DACH1: variants seen among roughly 807,000 people sequenced by gnomAD.
The protein encoded by DACH1 is dachshund homolog 1.
In DACH1, 12 loss-of-function variants were observed where a neutral mutation model predicts 54.2. The observed-to-expected ratio is 0.22, with a 90% CI of 0.14 to 0.36. DACH1 has a LOEUF of 0.36. DACH1 is among the 10% of genes least tolerant of loss of function. DACH1 has a pLI of 1.00. For synonymous variants in DACH1, 386 were observed against 366.2 expected (o/e 1.05, Z -0.62); for missense variants, 805 against 929.8 (o/e 0.87, Z 1.75).
At chr13:71,637,437 T>C (rs1464754796) in intron 2 of DACH1, among the ~76,000 whole-genome samples, 1 of 152,128 alleles carries the variant, frequency 6.6e-6, no homozygotes, top group African/African-American at 2.4e-5. Flanking sequence ...CCTAACAGCA[T>C]AGGGTGAGAA....
chr13:71,709,700 T>C (rs1882619416), intron 1 of DACH1, among the ~76,000 whole-genome samples: 1 of 152,198 alleles, frequency 6.6e-6, no homozygotes, highest in African/African-American at 2.4e-5. Flanking sequence ...TAAGTTAAAT[T>C]TTATTATAAG....
intron 10 of DACH1, among the ~76,000 whole-genome samples, chr13:71,441,518 T>G (rs1390751186): frequency 6.6e-6 from 1 of 152,098 alleles, no homozygotes; most frequent in Non-Finnish European, 1.5e-5. Flanking sequence ...GTCTAATATA[T>G]GTCTGAAATT....
chr13:71,712,688 T>G (rs1335999693), intron 1 of DACH1, among the ~76,000 whole-genome samples: 1 of 152,116 alleles, frequency 6.6e-6, no homozygotes, highest in East Asian at 1.9e-4. Flanking sequence ...AAACAAAAAT[T>G]TTTTTAATGA....
chr13:71,440,528 A>G lies in DACH1; in HGVS notation c.*127T>C. On this transcript the variant is annotated 3_prime_UTR_variant, in exon 11 of 11. Coordinates refer to ENST00000613252, the MANE Select transcript of DACH1 (RefSeq NM_080759.6). ...TTTTGTAGAATACTTAAACTTTTAA[A>G]GAACATTAATACACAAAATTCAGGA... 1.4e-6 allele frequency: 1 copy of G among 720,184 alleles called. No homozygotes were observed. The highest frequency in any genetic ancestry group is 3.0e-5 in the East Asian group (1 of 33,518). The allele number at this position is 720,184 out of a possible 1,614,324, so 44.6% of individuals were successfully genotyped here.
chr13:71,741,808 G>A (rs1884399479), intron 1 of DACH1, among the ~76,000 whole-genome samples: 1 of 152,024 alleles, frequency 6.6e-6, no homozygotes, highest in African/African-American at 2.4e-5. Flanking sequence ...GACAAAAGAA[G>A]CCACTTAGTC....
At chr13:71,605,803 G>C (rs1160100856) in intron 3 of DACH1, among the ~76,000 whole-genome samples, 1 of 151,906 alleles carries the variant, frequency 6.6e-6, no homozygotes, top group Non-Finnish European at 1.5e-5. Context: ...CAACCACAGA[G>C]AAGTGAAGAC....
At chr13:71,674,137 A>G (rs944056099) in intron 2 of DACH1, among the ~76,000 whole-genome samples, 3 of 152,276 alleles carry the variant, frequency 2.0e-5, no homozygotes, top group African/African-American at 7.2e-5. Context: ...AATATTCTAC[A>G]CACCAGTGAT....
At chr13:71,666,543 T>G (rs1474357905) in intron 2 of DACH1, among the ~76,000 whole-genome samples, 1 of 152,184 alleles carries the variant, frequency 6.6e-6, no homozygotes, top group African/African-American at 2.4e-5. Context: ...AATGCTAAAC[T>G]TATGCATTTT....
intron 10 of DACH1, among the ~76,000 whole-genome samples, chr13:71,469,753 A>G (rs1272155166): frequency 6.6e-6 from 1 of 152,244 alleles, no homozygotes; most frequent in Non-Finnish European, 1.5e-5. Context: ...TTTAAAATTC[A>G]GCATGTATCT....
chr13:71,691,016 T>C (rs1438343808), intron 1 of DACH1, among the ~76,000 whole-genome samples: 1 of 152,256 alleles, frequency 6.6e-6, no homozygotes, highest in Non-Finnish European at 1.5e-5. Flanking sequence ...TCAATTTACA[T>C]TTCAAATGAC....
In DACH1 at chr13:71,792,390, A is replaced by G. The variant is rs73525489; in HGVS notation, c.848+73532T>C. Among the ~76,000 whole-genome samples, 1,512 of 152,170 alleles carry G rather than the reference A, an allele frequency of 9.9e-3. 17 individuals carry two copies. The highest frequency in any genetic ancestry group is 0.035 in the African/African-American group (1,443 of 41,512). ...CACACACCCCTGGAATCCAGACAGC[A>G]GGAAAAAAACAAGATGGATGATTAT... On this transcript the variant is annotated intron_variant, in intron 1 of 10. Transcript: ENST00000613252.
chr13:71,610,588 C>T (rs1875252702), intron 3 of DACH1, among the ~76,000 whole-genome samples: 1 of 152,122 alleles, frequency 6.6e-6, no homozygotes, highest in South Asian at 2.1e-4. Flanking sequence ...AGATTCAATA[C>T]ATTAACATAA....
intron 4 of DACH1, 65 bp from the exon 5 acceptor site, chr13:71,560,020 G>T: frequency 2.1e-6 from 3 of 1,409,020 alleles, no homozygotes; most frequent in Non-Finnish European, 2.8e-6. Context: ...TTTACTTAAT[G>T]AATGTTGTTT....
At position 71,475,858 on chromosome 13, in the gene DACH1, G is replaced by A; in HGVS notation, c.1871-9C>T. ...CCTCTTTTGAACTATGGCTAAAAAAGAGTGTATGCATATTATTATTATTAT... is the reference window on the plus strand; with the variant it reads ...CCTCTTTTGAACTATGGCTAAAAAAAAGTGTATGCATATTATTATTATTAT... On this transcript the variant is annotated splice_polypyrimidine_tract_variant and intron_variant, in intron 8 of 10. Coordinates refer to ENST00000613252, the MANE Select transcript of DACH1 (RefSeq NM_080759.6). The A allele has an allele frequency of 6.3e-7, 1 of 1,585,510 alleles. No homozygotes were observed. Among genetic ancestry groups the A allele is most frequent in the Non-Finnish European group, 8.6e-7 (1 of 1,166,308 alleles).
intron 2 of DACH1, among the ~76,000 whole-genome samples, chr13:71,641,016 A>C (rs997224712): frequency 6.6e-6 from 1 of 151,948 alleles, no homozygotes; most frequent in African/African-American, 2.4e-5. Flanking sequence ...CAAGTACCAC[A>C]TGGGGTCTGT....
At chr13:71,864,684 C>T (rs977766607) in intron 1 of DACH1, among the ~76,000 whole-genome samples, 2 of 152,114 alleles carry the variant, frequency 1.3e-5, no homozygotes, top group Non-Finnish European at 2.9e-5. Context: ...GGGGACAAAG[C>T]GGCGCTGTGA....
At chr13:71,856,335 T>G (rs1223482576) in intron 1 of DACH1, among the ~76,000 whole-genome samples, 1 of 151,970 alleles carries the variant, frequency 6.6e-6, no homozygotes, top group Admixed American at 6.6e-5. Flanking sequence ...AGTTCAAATC[T>G]GCATGTACCA....
At chr13:71,550,228 G>A (rs1481840493) in intron 6 of DACH1, among the ~76,000 whole-genome samples, 1 of 152,050 alleles carries the variant, frequency 6.6e-6, no homozygotes, top group African/African-American at 2.4e-5. Flanking sequence ...TAGTAGTAAT[G>A]GTTTCCATTG....
chr13:71,471,801 T>C (rs1877103788), intron 10 of DACH1, among the ~76,000 whole-genome samples: 1 of 151,922 alleles, frequency 6.6e-6, no homozygotes, highest in African/African-American at 2.4e-5. Flanking sequence ...TGAAAGTAGA[T>C]GCTGTTGCCT....
Sources: gnomAD v4.1 joint callset for allele counts (sites outside exome capture counted in the v4.1 genomes callset) on GRCh38, gnomAD v4.1.1 for gene constraint, MANE v1.5 for transcripts, NCBI Gene and HGNC (gene_info 2026-07-23, HGNC 2026-07-21) for gene names.